SEM1: variants seen among roughly 807,000 people sequenced by gnomAD.
SEM1 encodes SEM1 26S proteasome subunit.
SEM1 carries 3 observed loss-of-function variants against 12.7 expected under a neutral mutation model. The observed-to-expected ratio is 0.24, with a 90% CI of 0.11 to 0.61. The LOEUF is 0.61. Among genes scored for constraint, SEM1 ranks in the 20% least tolerant of loss-of-function variants. The pLI is 0.88. For synonymous variants in SEM1, 30 were observed against 27.8 expected (o/e 1.08, Z -0.25); for missense variants, 59 against 81.3 (o/e 0.73, Z 1.06).
At chr7:96,563,287 T>C (rs1805745085) in intron 2 of SEM1, among the ~76,000 whole-genome samples, 1 of 152,016 alleles carries the variant, frequency 6.6e-6, no homozygotes, top group South Asian at 2.1e-4. Context: ...TTCTATTTTT[T>C]CAGTGAAATA....
At position 96,492,031 on chromosome 7, in the gene SEM1, T is replaced by C. The variant is rs190892252; in HGVS notation, c.12+4253A>G. ...ACTTCCTTGGTTTGCCCTCAGTGTT[T>C]ACACAGTCTTTCTTTATGACATTCA... On this transcript the variant is annotated intron_variant, in intron 1 of 3. Transcript: ENST00000356686. Among the ~76,000 whole-genome samples the C allele has an allele frequency of 7.6e-3, 1,155 of 152,316 alleles. 6 individuals carry two copies. The highest frequency in any genetic ancestry group is 9.7e-3 in the Non-Finnish European group (658 of 68,026).
rs1554437189 is a variant in SEM1, at chr7:96,703,972, A to ACAC, written c.76+5715_76+5716insGTG. Reference sequence around the variant, plus strand: ...CCAGAGCAAGACCTTGTCTCTTAAAAACACACACACACACACACACACACA... The same window carrying ACAC: ...CCAGAGCAAGACCTTGTCTCTTAAAACACACACACACACACACACACACACACA... On this transcript the variant is annotated intron_variant, in intron 1 of 2. Coordinates refer to ENST00000248566, the MANE Select transcript of SEM1 (RefSeq NM_006304.2). Among the ~76,000 whole-genome samples, 278 of 142,180 alleles carry ACAC rather than the reference A, an allele frequency of 2.0e-3. 2 individuals carry two copies. The highest frequency in any genetic ancestry group is 0.012 in the East Asian group (56 of 4,800). The allele number at this position is 142,180 out of a possible 152,430, so 93.3% of individuals were successfully genotyped here. A position where few individuals can be genotyped will look rare whatever the true frequency, so the allele number is the denominator to read the frequency against.
In SEM1 at chr7:96,526,982, G is replaced by T. The variant is rs573881787; in HGVS notation, c.171-20284C>A. Among the ~76,000 whole-genome samples the T allele has an allele frequency of 3.9e-5, 6 of 152,220 alleles. No homozygotes were observed. In the South Asian group the frequency reaches 1.2e-3, roughly 32 times the overall value. ...GAATATACCAACAGGGAAGTAAAATGATGACCCATAAACCATCCCTCAACC... is the reference window on the plus strand; with the variant it reads ...GAATATACCAACAGGGAAGTAAAATTATGACCCATAAACCATCCCTCAACC... On this transcript the variant is annotated intron_variant and NMD_transcript_variant, in intron 2 of 3. Transcript: ENST00000466986.
At chr7:96,694,427 T>G (rs1790027590) in intron 2 of SEM1, among the ~76,000 whole-genome samples, 1 of 151,958 alleles carries the variant, frequency 6.6e-6, no homozygotes, top group Admixed American at 6.6e-5. Context: ...AACCCCAATC[T>G]CCATTCCAGT....
At chr7:96,691,036 G>A (rs1167984954) in intron 2 of SEM1, among the ~76,000 whole-genome samples, 1 of 152,174 alleles carries the variant, frequency 6.6e-6, no homozygotes, top group African/African-American at 2.4e-5. Flanking sequence ...CTCCCAAAGT[G>A]CTGGGGTTAC....
intron 2 of SEM1, among the ~76,000 whole-genome samples, chr7:96,510,858 T>C (rs1361810111): frequency 6.6e-6 from 1 of 152,136 alleles, no homozygotes; most frequent in Non-Finnish European, 1.5e-5. Context: ...TTCTCATCAA[T>C]GCTCCTTTGG....
chr7:96,577,060 T>C (rs1026504940), intron 2 of SEM1, among the ~76,000 whole-genome samples: 5 of 151,572 alleles, frequency 3.3e-5, no homozygotes, highest in Admixed American at 3.3e-4. Context: ...GAGGTTGCAG[T>C]GAGCTGAGAT....
At chr7:96,609,465 GAGGT>G (rs1281680640) in intron 2 of SEM1, among the ~76,000 whole-genome samples, 1 of 152,186 alleles carries the variant, frequency 6.6e-6, no homozygotes, top group Non-Finnish European at 1.5e-5. Context: ...ATGTATATGT[GAGGT>G]AGACATTATG....
chr7:96,625,698 TATAACAATGCTGCTGAACC>T (rs1354037544), intron 2 of SEM1, among the ~76,000 whole-genome samples: 3 of 152,176 alleles, frequency 2.0e-5, no homozygotes, highest in Non-Finnish European at 2.9e-5. Context: ...GCTTCCAGGT[TATAACAATGCTGCTGAACC>T]ACAGACCATA....
chr7:96,652,629 A>G (rs972814258), intron 2 of SEM1, among the ~76,000 whole-genome samples: 2 of 152,176 alleles, frequency 1.3e-5, no homozygotes, highest in Non-Finnish European at 2.9e-5. Flanking sequence ...GTATAATACT[A>G]TTTAAAACCC....
intron 2 of SEM1, among the ~76,000 whole-genome samples, chr7:96,577,686 G>A (rs1584778182): frequency 6.6e-6 from 1 of 151,940 alleles, no homozygotes. Context: ...GTTATGTAGT[G>A]CTCCTAGGTG....
chr7:96,674,716 A>G (rs1789408905), intron 2 of SEM1, among the ~76,000 whole-genome samples: 1 of 152,182 alleles, frequency 6.6e-6, no homozygotes, highest in Non-Finnish European at 1.5e-5. Flanking sequence ...ATGGCAGGAA[A>G]TTTGTGGTTT....
chr7:96,570,811 CCCA>C (rs1463290115), intron 2 of SEM1, among the ~76,000 whole-genome samples: 3 of 152,166 alleles, frequency 2.0e-5, no homozygotes, highest in Non-Finnish European at 4.4e-5. Flanking sequence ...AATTTACACT[CCCA>C]CCAACAGTGT....
intron 2 of SEM1, among the ~76,000 whole-genome samples, chr7:96,511,847 C>T (rs914823604): frequency 6.6e-6 from 1 of 152,074 alleles, no homozygotes; most frequent in Non-Finnish European, 1.5e-5. Flanking sequence ...GTGGAACCTA[C>T]TGACCATTGT....
chr7:96,587,777 ATAT>A lies in SEM1; in HGVS notation c.171-81082_171-81080del, dbSNP rs899982788. 9.2e-5 allele frequency among the ~76,000 whole-genome samples: 14 copies of A among 152,172 alleles called. 1 individual carries two copies. The highest frequency in any genetic ancestry group is 2.1e-4 in the Non-Finnish European group (14 of 68,030). On this transcript the variant is annotated intron_variant and NMD_transcript_variant, in intron 2 of 3. Transcript: ENST00000466986. ...TTATGGTAAAATAACATATTTTTAA[ATAT>A]TAGAATACACGTGTACACATACATA...
rs1179352020 is a variant in SEM1, at chr7:96,488,044, T to C, written c.13-1627A>G. Among the ~76,000 whole-genome samples the C allele has an allele frequency of 1.4e-5, 2 of 140,148 alleles. 1 individual carries two copies. The highest frequency in any genetic ancestry group is 6.7e-5 in the African/African-American group (2 of 30,038). The allele number at this position is 140,148 out of a possible 152,430, so 91.9% of individuals were successfully genotyped here. ...TCCGTACTCATGTGGGTTAAAATAT[T>C]ACTTTATCTAGTAAGGGTAACCTCA... is the stretch of plus-strand genomic sequence containing the variant. On this transcript the variant is annotated intron_variant, in intron 1 of 3. Transcript: ENST00000356686.
chr7:96,652,847 C>T (rs62470372), intron 2 of SEM1, among the ~76,000 whole-genome samples: 15,071 of 152,216 alleles, frequency 0.099, 805 homozygotes, highest in East Asian at 0.15. Flanking sequence ...AATGATCCCC[C>T]TTTTCTTTGT....
At position 96,548,760 on chromosome 7, in the gene SEM1, G is replaced by C. The variant is rs117191785; in HGVS notation, c.171-42062C>G. ...TTTTGCCCATTAAAGTATCTGTAGC[G>C]AGTAGAAGAGTGCCTACCGCATATT... On this transcript the variant is annotated intron_variant and NMD_transcript_variant, in intron 2 of 3. Coordinates refer to the SEM1 transcript ENST00000466986. Among the ~76,000 whole-genome samples, 458 of 152,232 alleles carry C rather than the reference G, an allele frequency of 3.0e-3. 1 individual carries two copies. The highest frequency in any genetic ancestry group is 5.9e-3 in the Non-Finnish European group (399 of 68,016).
At chr7:96,497,298 C>G (rs1584708910), upstream of SEM1, among the ~76,000 whole-genome samples, 1 of 151,960 alleles carries the variant, frequency 6.6e-6, no homozygotes. Flanking sequence ...TTTACCAAGT[C>G]ATTCACAAAA....
Sources: gnomAD v4.1 joint callset for allele counts (sites outside exome capture counted in the v4.1 genomes callset) on GRCh38, gnomAD v4.1.1 for gene constraint, MANE v1.5 for transcripts, NCBI Gene and HGNC (gene_info 2026-07-23, HGNC 2026-07-21) for gene names.